PTDSS2: variants seen among roughly 807,000 people sequenced by gnomAD.
The protein encoded by PTDSS2 is phosphatidylserine synthase 2.
PTDSS2 carries 41 observed loss-of-function variants against 64.7 expected under a neutral mutation model. That is an observed-to-expected ratio of 0.63 (90% CI 0.49 to 0.82). PTDSS2 has a LOEUF of 0.82. PTDSS2 is among the 40% of genes least tolerant of loss of function. The pLI, the probability that PTDSS2 is intolerant of heterozygous loss-of-function variation, is 0.00. For missense variants in PTDSS2, 485 were observed against 650.0 expected, an observed-to-expected ratio of 0.75 and a Z score of 2.76; for synonymous variants, 297 against 277.8, an observed-to-expected ratio of 1.07 and a Z score of -0.69.
Position 479,647 on chromosome 11 carries a change from G to A in PTDSS2, c.435+495G>A, listed in dbSNP as rs1446050834. ...TCAGAGGGGACCCCAGCGCCAAGAG[G>A]GACGGGGTCTTTGTTTTTGTGTTTT... On this transcript the variant is annotated intron_variant, in intron 4 of 11. Transcript: ENST00000308020. The surrounding 1 kb of genome is among the most constrained non-coding windows in gnomAD (Gnocchi z 4.2). Among the ~76,000 whole-genome samples the A allele has an allele frequency of 6.6e-6, 1 of 152,220 alleles. No individual in the cohort carries two copies. Among genetic ancestry groups the A allele is most frequent in the Non-Finnish European group, 1.5e-5 (1 of 68,046 alleles).
chr11:487,206 C>A, intron 5 of PTDSS2, 133 bp downstream of exon 5: 1 of 1,028,260 alleles, frequency 9.7e-7, no homozygotes, highest in Non-Finnish European at 1.4e-6. Context: ...TGTGCTGAGG[C>A]CCTGTCCGTC....
intron 2 of PTDSS2, among the ~76,000 whole-genome samples, chr11:472,568 G>C (rs1417887962): frequency 2.0e-5 from 3 of 152,152 alleles, no homozygotes; most frequent in African/African-American, 7.2e-5. Context: ...AGCAGCACCT[G>C]CCCAGAAGCA....
intron 6 of PTDSS2, 122 bp from the exon 7 acceptor site, chr11:488,077 A>G: frequency 1.5e-6 from 1 of 662,862 alleles, no homozygotes; most frequent in East Asian, 2.7e-5. Flanking sequence ...ACCCGTGGGC[A>G]GGGCCGGGCG....
chr11:463,619 T>G (rs1009659697), intron 2 of PTDSS2: 1 of 150,462 alleles, frequency 6.6e-6, no homozygotes, highest in African/African-American at 2.4e-5. Context: ...CAATCCTGGT[T>G]CGCTGCAGGC....
intron 4 of PTDSS2, among the ~76,000 whole-genome samples, chr11:481,967 C>T (rs1848090246): frequency 1.3e-5 from 2 of 150,650 alleles, no homozygotes; most frequent in South Asian, 2.1e-4. Context: ...CTCAGCCTCC[C>T]GAGTAGCTGG....
chr11:484,730 G>A (rs558616338), intron 4 of PTDSS2, among the ~76,000 whole-genome samples: 7 of 141,014 alleles, frequency 5.0e-5, no homozygotes, highest in African/African-American at 1.6e-4. Context: ...GCACGGATGC[G>A]TGTGCTCACC....
At chr11:474,513 C>A (rs922665854) in intron 3 of PTDSS2, among the ~76,000 whole-genome samples, 1 of 152,214 alleles carries the variant, frequency 6.6e-6, no homozygotes, top group African/African-American at 2.4e-5. Context: ...AGGTGCCGCC[C>A]ACCCCCTGCC....
At chr11:458,850 C>G (rs1396038029) in intron 1 of PTDSS2, 1 of 152,226 alleles carries the variant, frequency 6.6e-6, no homozygotes. Flanking sequence ...CTTGCCTTTT[C>G]ATTTCTTTAG....
At chr11:487,270 G>T in intron 5 of PTDSS2, 150 bp from the exon 6 acceptor site, 1 of 931,556 alleles carries the variant, frequency 1.1e-6, no homozygotes, top group Non-Finnish European at 1.7e-6. Context: ...TGTCGTGGAC[G>T]TGGTCTCCAC....
At chr11:454,207 C>T (rs1275163374) in intron 1 of PTDSS2, among the ~76,000 whole-genome samples, 1 of 152,174 alleles carries the variant, frequency 6.6e-6, no homozygotes, top group African/African-American at 2.4e-5. Context: ...GGCTGCTGTG[C>T]CTGGTGCCCT....
intron 4 of PTDSS2, chr11:480,114 G>C (rs1190806122): frequency 6.5e-6 from 1 of 153,860 alleles, no homozygotes; most frequent in African/African-American, 2.4e-5. Context: ...GTTCGCTTCT[G>C]TCTCTTCTAG....
At chr11:471,759 T>A (rs1267068349) in intron 2 of PTDSS2, among the ~76,000 whole-genome samples, 200 of 131,528 alleles carry the variant, frequency 1.5e-3, no homozygotes, top group African/African-American at 5.8e-3. Context: ...TGGCCTGGGG[T>A]GACGCGGATG....
At chr11:458,349 C>T (rs1415781633) in intron 1 of PTDSS2, among the ~76,000 whole-genome samples, 8 of 151,128 alleles carry the variant, frequency 5.3e-5, no homozygotes, top group African/African-American at 1.2e-4. Flanking sequence ...GGACTACAGG[C>T]GCCCACCCAC....
chr11:490,016 A>T lies in PTDSS2; in HGVS notation c.1249A>T (p.Thr417Ser). The T allele has an allele frequency of 1.2e-6, 2 of 1,611,580 alleles. No homozygotes were observed. The highest frequency in any genetic ancestry group is 2.7e-5 in the African/African-American group (2 of 74,980). The change falls in exon 11 of 12, where the codon ACC becomes TCC. Residue 417 changes from threonine (T) to serine (S), a missense_variant. Thr to Ser is a moderately conservative substitution (Grantham distance 58). Around this residue, in one of 3 missense-constraint regions of PTDSS2, gnomAD observed 219 missense variants for 257.3 expected, o/e 0.85. Transcript: ENST00000308020. Reference sequence around the variant, plus strand: ...GCCCTTCTACATCTCCCAGTGCTGGACCCTCGGCTCCGTCCTGGCGCTCAC... The same window carrying T: ...GCCCTTCTACATCTCCCAGTGCTGGTCCCTCGGCTCCGTCCTGGCGCTCAC... ...SLPFYISQCW[T>S]LGSVLALTWT...
In PTDSS2 at chr11:490,833, C is replaced by T. The variant is rs1348407385; in HGVS notation, c.*251C>T. On this transcript the variant is annotated 3_prime_UTR_variant, in exon 12 of 12. Transcript: ENST00000308020. The stretch of plus-strand genomic sequence containing the variant: ...ACGCGCGTGTGTACACATGCGTGGC[C>T]GCCTGTGGTGTGCACGTGTGCTCTG... 3.8e-5 allele frequency: 17 copies of T among 452,590 alleles called. No homozygotes were observed. The highest frequency in any genetic ancestry group is 3.2e-4 in the Admixed American group (7 of 21,646). The allele number at this position is 452,590 out of a possible 1,614,324, so 28.0% of individuals were successfully genotyped here.
At chr11:490,261 C>T (rs1397435524) in intron 11 of PTDSS2, among the ~76,000 whole-genome samples, 159 bp from the exon 12 acceptor site, 1 of 152,202 alleles carries the variant, frequency 6.6e-6, no homozygotes, top group Non-Finnish European at 1.5e-5. Context: ...CCAGGCTCCT[C>T]AGGGCTCCAG....
rs1248049761 is a variant in PTDSS2 at position 488,286 on chromosome 11, A to G, written c.709A>G (p.Asn237Asp). The G allele has an allele frequency of 6.2e-7, 1 of 1,613,184 alleles. No individual in the cohort carries two copies. The highest frequency in any genetic ancestry group is 1.7e-5 in the Admixed American group (1 of 60,024). ...LEYSLEHQLP[N>D]FSECWWDHWI... ...GTACAGCCTGGAGCACCAGCTGCCC[A>G]ACTTCAGCGAGTGCTGGTGGGATCA... The change falls in exon 7 of 12, where the codon AAC becomes GAC. Residue 237 changes from asparagine to aspartate, a missense_variant. Asn to Asp is a conservative substitution (Grantham distance 23). Transcript: ENST00000308020.
Position 450,416 on chromosome 11 carries a change from G to A in PTDSS2, c.-40G>A. ...CTCGCCGGTGACCCGGTGTGCGTGG[G>A]GTCGAGGCGCCGGGCGGAGTGGCTC... On this transcript the variant is annotated 5_prime_UTR_variant, in exon 1 of 12. Coordinates refer to ENST00000308020, the MANE Select transcript of PTDSS2 (RefSeq NM_030783.3). 1 of 1,219,542 alleles carries A rather than the reference G, an allele frequency of 8.2e-7. No individual in the cohort carries two copies. 75.5% of individuals were successfully genotyped at this position (1,219,542 alleles called of 1,614,324 possible).
chr11:475,171 TACGGAC>T, intron 3 of PTDSS2, among the ~76,000 whole-genome samples: 1 of 142,134 alleles, frequency 7.0e-6, no homozygotes. Context: ...GCGTTTGTGA[TACGGAC>T]ATATTCACGC....
Sources: gnomAD v4.1 joint callset for allele counts (sites outside exome capture counted in the v4.1 genomes callset) on GRCh38, gnomAD v4.1.1 for gene constraint, gnomAD v4.1.1 regional missense constraint, Gnocchi (gnomAD v3.1) non-coding constraint, MANE v1.5 for transcripts, NCBI Gene and HGNC (gene_info 2026-07-23, HGNC 2026-07-21) for gene names.